SP4: variants seen among roughly 807,000 people sequenced by gnomAD.
SP4 encodes transcription factor Sp4.
SP4 carries 19 observed loss-of-function variants against 72.8 expected under a neutral mutation model. The observed-to-expected ratio is 0.26, with a 90% CI of 0.18 to 0.38. The LOEUF is 0.38. SP4 is among the 10% of genes least tolerant of loss of function. The pLI, the probability that SP4 is intolerant of heterozygous loss-of-function variation, is 1.00. For missense variants in SP4, 1,008 were observed against 926.3 expected, an observed-to-expected ratio of 1.09 and a Z score of -1.14; for synonymous variants, 395 against 333.1, an observed-to-expected ratio of 1.19 and a Z score of -2.02.
chr7:21,472,228 A>G (rs1004838915), intron 3 of SP4, among the ~76,000 whole-genome samples: 4 of 152,128 alleles, frequency 2.6e-5, no homozygotes, highest in Non-Finnish European at 4.4e-5. Context: ...GAGAAGTCAG[A>G]ACCCTGGAGA....
chr7:21,458,484 A>G (rs1583404175), intron 3 of SP4, among the ~76,000 whole-genome samples: 1 of 152,290 alleles, frequency 6.6e-6, no homozygotes, highest in East Asian at 1.9e-4. Flanking sequence ...GCGTCCGGCC[A>G]GTTTATGTCT....
chr7:21,499,041 C>G (rs1431713206), intron 5 of SP4, among the ~76,000 whole-genome samples: 1 of 145,594 alleles, frequency 6.9e-6, no homozygotes. Flanking sequence ...GATCACGCCA[C>G]TGCACTCCAG....
intron 5 of SP4, among the ~76,000 whole-genome samples, chr7:21,499,954 A>G (rs1583446445): frequency 6.6e-6 from 1 of 152,214 alleles, no homozygotes; most frequent in Non-Finnish European, 1.5e-5. Context: ...CCACTCATCC[A>G]TTCCAATCTA....
At chr7:21,502,200 C>G (rs1455864344) in intron 5 of SP4, among the ~76,000 whole-genome samples, 1 of 152,126 alleles carries the variant, frequency 6.6e-6, no homozygotes, top group African/African-American at 2.4e-5. Context: ...AGTCCCAGTC[C>G]AATTGGACGG....
At chr7:21,488,989 C>G (rs1335340720) in intron 5 of SP4, among the ~76,000 whole-genome samples, 1 of 152,096 alleles carries the variant, frequency 6.6e-6, no homozygotes, top group Non-Finnish European at 1.5e-5. Context: ...TGATTTTTAG[C>G]AACTAGTGTT....
At chr7:21,475,805 C>T (rs1034399011) in intron 3 of SP4, among the ~76,000 whole-genome samples, 1 of 152,200 alleles carries the variant, frequency 6.6e-6, no homozygotes, top group Non-Finnish European at 1.5e-5. Context: ...ATGAGCAATT[C>T]CGTGCCAGCA....
chr7:21,437,676 A>G (rs190016250), intron 3 of SP4, among the ~76,000 whole-genome samples: 2 of 152,296 alleles, frequency 1.3e-5, no homozygotes, highest in Non-Finnish European at 2.9e-5. Context: ...TCCTCTCCTT[A>G]AGATGGAGGG....
At chr7:21,489,523 G>T (rs1384019399) in intron 5 of SP4, among the ~76,000 whole-genome samples, 1 of 134,116 alleles carries the variant, frequency 7.5e-6, no homozygotes, top group Admixed American at 7.4e-5. Context: ...TTTTTGCTAT[G>T]TTGCCCAGGC....
At chr7:21,442,006 T>TTGTGTG (rs58100749) in intron 3 of SP4, among the ~76,000 whole-genome samples, 131 of 130,540 alleles carry the variant, frequency 1.0e-3, no homozygotes, top group African/African-American at 3.2e-3. Flanking sequence ...GTGTGTGTGT[T>TTGTGTG]TGTGTGTGTG....
At chr7:21,464,109 G>C (rs187220311) in intron 3 of SP4, among the ~76,000 whole-genome samples, 1 of 148,338 alleles carries the variant, frequency 6.7e-6, no homozygotes, top group Non-Finnish European at 1.5e-5. Context: ...TCATTCCCTT[G>C]TCAGGGCGCT....
intron 3 of SP4, among the ~76,000 whole-genome samples, chr7:21,472,479 G>A (rs1470851033): frequency 2.0e-5 from 3 of 151,978 alleles, no homozygotes; most frequent in Non-Finnish European, 4.4e-5. Flanking sequence ...TTTTTTAAGA[G>A]ATGGCATCTC....
chr7:21,456,957 G>T (rs1302831521), intron 3 of SP4, among the ~76,000 whole-genome samples: 1 of 152,170 alleles, frequency 6.6e-6, no homozygotes, highest in African/African-American at 2.4e-5. Flanking sequence ...AGTTCTGGGG[G>T]TTGGTTAGTA....
rs75821151 is a variant in SP4 at position 21,464,741 on chromosome 7, T to A, written c.1679-12338T>A. The stretch of plus-strand genomic sequence containing the variant: ...CCTCACAACCTTCATAGGCTTCCAA[T>A]TGCAGACTTTTCAAGTTATAAAAAC... On this transcript the variant is annotated intron_variant, in intron 3 of 5. Coordinates refer to ENST00000222584, the MANE Select transcript of SP4 (RefSeq NM_003112.5). Among the ~76,000 whole-genome samples the A allele has an allele frequency of 2.0e-5, 3 of 152,228 alleles. No individual in the cohort carries two copies. In the East Asian group the frequency reaches 5.8e-4, roughly 30 times the overall value.
At chr7:21,494,579 T>C (rs975613785) in intron 5 of SP4, among the ~76,000 whole-genome samples, 1 of 152,166 alleles carries the variant, frequency 6.6e-6, no homozygotes, top group East Asian at 1.9e-4. Context: ...ACAAAATATA[T>C]GCAAGACATG....
intron 3 of SP4, among the ~76,000 whole-genome samples, chr7:21,446,134 G>C (rs1783420281): frequency 6.6e-6 from 1 of 151,118 alleles, no homozygotes; most frequent in South Asian, 2.1e-4. Flanking sequence ...AAACTTAAAG[G>C]GATTATATTC....
intron 3 of SP4, among the ~76,000 whole-genome samples, chr7:21,443,986 C>T (rs938530916): frequency 6.6e-5 from 10 of 152,108 alleles, no homozygotes; most frequent in Non-Finnish European, 1.5e-4. Flanking sequence ...AAAGTTAAAG[C>T]GTATTTTTAT....
intron 5 of SP4, among the ~76,000 whole-genome samples, chr7:21,486,260 T>A (rs1784809882): frequency 6.6e-6 from 1 of 152,022 alleles, no homozygotes; most frequent in Non-Finnish European, 1.5e-5. Flanking sequence ...AGAGAAGAGT[T>A]GCAAAGCTAG....
At chr7:21,480,957 G>A (rs1414990308) in intron 4 of SP4, among the ~76,000 whole-genome samples, 1 of 152,180 alleles carries the variant, frequency 6.6e-6, no homozygotes, top group Non-Finnish European at 1.5e-5. Context: ...ACCGGGGGTT[G>A]AGACAGTGGC....
chr7:21,481,844 CTTGA>C, intron 4 of SP4, 76 bp from the exon 5 acceptor site: 1 of 1,018,542 alleles, frequency 9.8e-7, no homozygotes, highest in Admixed American at 1.8e-5. Context: ...ATTTAATTAC[CTTGA>C]TTCTTTTTAA....
Sources: gnomAD v4.1 joint callset for allele counts (sites outside exome capture counted in the v4.1 genomes callset) on GRCh38, gnomAD v4.1.1 for gene constraint, MANE v1.5 for transcripts, NCBI Gene and HGNC (gene_info 2026-07-23, HGNC 2026-07-21) for gene names.